Variants in DIAPH2 observed in about 807,000 individuals in gnomAD.
DIAPH2 encodes diaphanous related formin 2, also known as protein diaphanous homolog 2.
In DIAPH2, 35 loss-of-function variants were observed where a neutral mutation model predicts 92.7. The ratio of observed to expected loss-of-function variants is 0.38; its 90% CI spans 0.29 to 0.50. The LOEUF (loss-of-function observed/expected upper bound fraction) is 0.50. Ranked by LOEUF, DIAPH2 falls within the 20% of genes least tolerant of loss-of-function variation. The pLI is 0.94. For synonymous variants in DIAPH2, 301 were observed against 280.4 expected (o/e 1.07, Z -0.73); for missense variants, 701 against 819.5 (o/e 0.86, Z 1.77).
At chrX:97,408,501 CA>C (rs2069832882) in intron 25 of DIAPH2, among the ~76,000 whole-genome samples, 2 of 111,229 alleles carry the variant, frequency 1.8e-5, no homozygotes, top group African/African-American at 6.5e-5. Context: ...TATTGGAGAA[CA>C]ACTTCTCTTT....
At chrX:96,961,783 G>T (rs1220250752) in intron 16 of DIAPH2, among the ~76,000 whole-genome samples, 4 of 109,252 alleles carry the variant, frequency 3.7e-5, no homozygotes, top group Admixed American at 2.9e-4. Context: ...TTGACCCAGT[G>T]GTCATTCAGG....
intron 4 of DIAPH2, among the ~76,000 whole-genome samples, chrX:96,813,517 A>G (rs2064704103): frequency 9.0e-6 from 1 of 111,257 alleles, no homozygotes; most frequent in East Asian, 2.8e-4. Context: ...CATTTAGCCC[A>G]TTTACATTTA....
intron 4 of DIAPH2, among the ~76,000 whole-genome samples, chrX:96,831,874 A>T (rs2064857054): frequency 9.0e-6 from 1 of 111,241 alleles, no homozygotes; most frequent in Admixed American, 9.6e-5. Context: ...GCTCCACCAT[A>T]TGGCGAAAGG....
At chrX:97,538,473 T>G (rs1330054836) in intron 26 of DIAPH2, among the ~76,000 whole-genome samples, 1 of 111,759 alleles carries the variant, frequency 8.9e-6, no homozygotes, top group Non-Finnish European at 1.9e-5. Flanking sequence ...TCCCTTGCAT[T>G]TACAGCTTTT....
chrX:97,341,527 TAG>T (rs935380410), intron 23 of DIAPH2, among the ~76,000 whole-genome samples: 2 of 109,779 alleles, frequency 1.8e-5, no homozygotes, highest in South Asian at 7.9e-4. Flanking sequence ...CATCTATATA[TAG>T]AGAGAGAGAA....
chrX:97,247,674 C>G (rs777758187), intron 22 of DIAPH2, 41 bp from the exon 23 acceptor site: 1 of 1,131,138 alleles, frequency 8.8e-7, no homozygotes, highest in Non-Finnish European at 1.2e-6. Context: ...TTGTGGAACA[C>G]TTGGTAAAAT....
chrX:97,391,725 A>C (rs2069661699), intron 25 of DIAPH2, among the ~76,000 whole-genome samples: 1 of 111,589 alleles, frequency 9.0e-6, no homozygotes, highest in African/African-American at 3.2e-5. Flanking sequence ...AGCAAAAGTA[A>C]GGTATCTTTA....
chrX:96,901,848 GT>G (rs2065399434), intron 5 of DIAPH2, among the ~76,000 whole-genome samples: 1 of 110,579 alleles, frequency 9.0e-6, no homozygotes, highest in South Asian at 3.9e-4. Flanking sequence ...GTTTGTTCTT[GT>G]TTCTCTAGTT....
chrX:96,947,762 C>T (rs1166642514), intron 14 of DIAPH2, among the ~76,000 whole-genome samples: 4 of 112,016 alleles, frequency 3.6e-5, no homozygotes, highest in Non-Finnish European at 5.6e-5. Flanking sequence ...AGATGTATCA[C>T]TTTTAGAAAC....
intron 26 of DIAPH2, among the ~76,000 whole-genome samples, chrX:97,440,543 G>A (rs1459274738): frequency 1.0e-5 from 1 of 99,534 alleles, no homozygotes; most frequent in Non-Finnish European, 2.0e-5. Context: ...AGTGAGCCGA[G>A]ATTGCACCAT....
chrX:97,446,012 G>A (rs560036954), intron 26 of DIAPH2, among the ~76,000 whole-genome samples: 68 of 110,414 alleles, frequency 6.2e-4, no homozygotes, highest in African/African-American at 2.0e-3. Flanking sequence ...GGGAAGAAGC[G>A]TTTAAAAGGG....
chrX:97,099,883 A>G (rs1332549863), intron 20 of DIAPH2, 88 bp downstream of exon 20: 3 of 436,746 alleles, frequency 6.9e-6, no homozygotes, highest in African/African-American at 5.2e-5. Context: ...TCAGTTGTCA[A>G]TTATTTTTTC....
Position 97,197,834 on chromosome X carries a change from G to A in DIAPH2, c.2720-49881G>A, listed in dbSNP as rs139343656. Among the ~76,000 whole-genome samples, 86 of 111,865 alleles carry A rather than the reference G, an allele frequency of 7.7e-4. 1 individual carries two copies. The East Asian group carries it at 0.022, about 28-fold the overall frequency. ...TATGATTTTCCTTGACCACAACCAC[G>A]TTGGCTGTCAAGGGCTAAGATTTTA... On this transcript the variant is annotated intron_variant, in intron 22 of 26. Coordinates refer to ENST00000324765, the MANE Select transcript of DIAPH2 (RefSeq NM_006729.5).
intron 22 of DIAPH2, among the ~76,000 whole-genome samples, chrX:97,168,089 CT>C (rs59856390): frequency 0.069 from 6,651 of 96,401 alleles, 217 homozygotes; most frequent in Non-Finnish European, 0.096. Flanking sequence ...ATTAGACAGT[CT>C]TTTTTTTTTT....
intron 21 of DIAPH2, among the ~76,000 whole-genome samples, chrX:97,119,360 G>A (rs748765945): frequency 1.5e-4 from 17 of 111,392 alleles, no homozygotes; most frequent in Non-Finnish European, 2.6e-4. Context: ...ACCTGGCTCT[G>A]GGCTGGTACT....
chrX:97,212,582 GGT>G lies in DIAPH2; in HGVS notation c.2720-35132_2720-35131del, dbSNP rs1491420248. Among the ~76,000 whole-genome samples, 7 of 91,200 alleles carry G rather than the reference GGT, an allele frequency of 7.7e-5. No individual in the cohort carries two copies. The Admixed American group carries it at 8.2e-4, about 11-fold the overall frequency. 79.2% of individuals were successfully genotyped at this position (91,200 alleles called of 115,157 possible). ...TAGTATTAAATAATGTGAATCTTAG[GGT>G]TTTTTGTTTTTTTTTTTTTTTTTTC... On this transcript the variant is annotated intron_variant, in intron 22 of 26. Transcript: ENST00000324765.
intron 25 of DIAPH2, among the ~76,000 whole-genome samples, chrX:97,386,634 C>T (rs1171714798): frequency 9.2e-6 from 1 of 109,122 alleles, no homozygotes; most frequent in Non-Finnish European, 1.9e-5. Context: ...CACCACTGCA[C>T]TCCAGCCTGG....
In DIAPH2 at chrX:97,296,366, G is replaced by A. The variant is rs190896966; in HGVS notation, c.2844+48527G>A. ...CTTCCTGAAACACCATTCTCTTTAT[G>A]TATTAATTTATCTATGCCTGAAGTT... On this transcript the variant is annotated intron_variant, in intron 23 of 26. Transcript: ENST00000324765. Among the ~76,000 whole-genome samples the A allele has an allele frequency of 2.7e-5, 3 of 111,375 alleles. No individual in the cohort carries two copies. In the Admixed American group the frequency reaches 2.9e-4, roughly 11 times the overall value.
chrX:97,299,214 T>A (rs1281385773), intron 23 of DIAPH2, among the ~76,000 whole-genome samples: 1 of 111,690 alleles, frequency 9.0e-6, no homozygotes, highest in Non-Finnish European at 1.9e-5. Context: ...ATAAAGCACA[T>A]GGTATCCTCT....
Sources: gnomAD v4.1 joint callset for allele counts (sites outside exome capture counted in the v4.1 genomes callset) on GRCh38, gnomAD v4.1.1 for gene constraint, MANE v1.5 for transcripts, NCBI Gene and HGNC (gene_info 2026-07-23, HGNC 2026-07-21) for gene names.